Variants in ENTPD1 observed in about 807,000 individuals in gnomAD.
ENTPD1 encodes the protein ATP diphosphohydrolase.
ENTPD1 carries 33 observed loss-of-function variants against 57.0 expected under a neutral mutation model. The ratio of observed to expected loss-of-function variants is 0.58; its 90% CI spans 0.44 to 0.77. The LOEUF (loss-of-function observed/expected upper bound fraction) is 0.77, where lower values mean the gene tolerates loss of function less well. Ranked by LOEUF, ENTPD1 falls within the 30% of genes least tolerant of loss-of-function variation. The pLI is 0.00. For synonymous variants in ENTPD1, 202 were observed against 218.8 expected (o/e 0.92, Z 0.68); for missense variants, 501 against 603.4 (o/e 0.83, Z 1.78).
At chr10:95,732,433 A>G (rs1169316965) in intron 1 of ENTPD1, among the ~76,000 whole-genome samples, 1 of 152,172 alleles carries the variant, frequency 6.6e-6, no homozygotes, top group Admixed American at 6.5e-5. Context: ...CTCAGGCATT[A>G]CTGTGACAAT....
At chr10:95,801,538 A>C (rs1444786654) in intron 1 of ENTPD1, among the ~76,000 whole-genome samples, 2 of 151,644 alleles carry the variant, frequency 1.3e-5, no homozygotes, top group Non-Finnish European at 2.9e-5. Context: ...TGGGTCCTCT[A>C]TTCTTTTTAT....
chr10:95,776,384 T>C (rs2098134081), intron 1 of ENTPD1, among the ~76,000 whole-genome samples: 2 of 152,218 alleles, frequency 1.3e-5, no homozygotes, highest in Admixed American at 1.3e-4. Flanking sequence ...ATTTTATTTC[T>C]CCTTCACTTA....
Position 95,839,694 on chromosome 10 carries a change from G to A in ENTPD1, c.148G>A (p.Gly50Arg). 1 of 1,614,112 alleles carries A rather than the reference G, an allele frequency of 6.2e-7. No individual in the cohort carries two copies. The highest frequency in any genetic ancestry group is 8.5e-7 in the Non-Finnish European group (1 of 1,179,996). ...TTTTGGTCTGTGTTGCTTTCAGTAT[G>A]GGATTGTGCTGGATGCGGGTTCTTC... ...NKALPENVKY[G>R]IVLDAGSSHT... Residue 50 changes from glycine (G) to arginine (R), a missense_variant, in exon 3 of 10, where the codon GGG (glycine) becomes AGG (arginine). Gly to Arg is a moderately radical substitution (Grantham distance 125, BLOSUM62 -2). Coordinates refer to ENST00000371205, the MANE Select transcript of ENTPD1 (RefSeq NM_001776.6).
chr10:95,838,037 C>T (rs370172654), intron 2 of ENTPD1, among the ~76,000 whole-genome samples: 2 of 152,012 alleles, frequency 1.3e-5, no homozygotes, highest in African/African-American at 4.8e-5. Context: ...TTTAAAGTGG[C>T]AGACCATACT....
chr10:95,733,409 C>T (rs950999709), intron 1 of ENTPD1, among the ~76,000 whole-genome samples: 1 of 152,126 alleles, frequency 6.6e-6, no homozygotes, highest in Non-Finnish European at 1.5e-5. Flanking sequence ...GCAATCATGA[C>T]AGGATCCTGA....
rs747997479 is a variant in ENTPD1, at chr10:95,756,201, A to G, written c.-39A>G. 5.8e-5 allele frequency: 92 copies of G among 1,576,316 alleles called. No homozygotes were observed. The highest frequency in any genetic ancestry group is 3.4e-4 in the Middle Eastern group (2 of 5,874). On this transcript the variant is annotated 5_prime_UTR_variant, in exon 1 of 10. Coordinates refer to ENST00000371205, the MANE Select transcript of ENTPD1 (RefSeq NM_001776.6). ...ACAGCAAGCAGAGGCTGGGGGGGGG[A>G]AAGACGAGGAAAGAGGAGGAAAACA... is the stretch of plus-strand genomic sequence containing the variant.
intron 1 of ENTPD1, among the ~76,000 whole-genome samples, chr10:95,739,630 CTGAAGTCT>C (rs1447916508): frequency 6.6e-6 from 1 of 152,198 alleles, no homozygotes; most frequent in Non-Finnish European, 1.5e-5. Flanking sequence ...ACTTCCTTCA[CTGAAGTCT>C]TGAACCCCTC....
In ENTPD1 at chr10:95,871,963, A is replaced by G; in HGVS notation, c.*5580A>G. 1.0e-6 allele frequency: 1 copy of G among 985,418 alleles called. No individual in the cohort carries two copies. Among genetic ancestry groups the G allele is most frequent in the Non-Finnish European group, 1.2e-6 (1 of 829,932 alleles). 61.0% of individuals were successfully genotyped at this position (985,418 alleles called of 1,614,324 possible). A position where few individuals can be genotyped will look rare whatever the true frequency, so the allele number is the denominator to read the frequency against. On this transcript the variant is annotated 3_prime_UTR_variant, in exon 10 of 10. Coordinates refer to ENST00000371205, the MANE Select transcript of ENTPD1 (RefSeq NM_001776.6). ...TTTGCAATTACCTAAACTGAACTCT[A>G]CCATTACTCCTAACCCAGTTCCTCC...
Position 95,802,235 on chromosome 10 carries a change from A to G in ENTPD1, c.17-21002A>G, listed in dbSNP as rs183187996. ...AAATTTAAATGTTTTCTGTTTGACA[A>G]TTGCTTGAGTTTGTCAAAAGACCTG... is the stretch of plus-strand genomic sequence containing the variant. On this transcript the variant is annotated intron_variant, in intron 1 of 9. Transcript: ENST00000371205. Among the ~76,000 whole-genome samples, 98 of 152,314 alleles carry G rather than the reference A, an allele frequency of 6.4e-4. No individual in the cohort carries two copies. The Middle Eastern group carries it at 0.02, about 32-fold the overall frequency.
In ENTPD1 at chr10:95,847,513, G is replaced by A; in HGVS notation, c.881G>A (p.Ser294Asn). 1 of 1,614,160 alleles carries A rather than the reference G, an allele frequency of 6.2e-7. No individual in the cohort carries two copies. The highest frequency in any genetic ancestry group is 1.1e-5 in the South Asian group (1 of 91,084). The change falls in exon 7 of 10, where the codon AGT becomes AAT. Residue 294 changes from serine (S) to asparagine (N), a missense_variant. Physicochemically the swap from Ser to Asn is conservative, Grantham distance 46. Coordinates refer to ENST00000371205, the MANE Select transcript of ENTPD1 (RefSeq NM_001776.6). Reference sequence around the variant, plus strand: ...GGATATAAGAAGGTAGTGAACGTAAGTGACCTTTACAAGACCCCCTGCACC... The same window carrying A: ...GGATATAAGAAGGTAGTGAACGTAAATGACCTTTACAAGACCCCCTGCACC... ...HPGYKKVVNVSDLYKTPCTKR... is the reference protein window; with the variant it reads ...HPGYKKVVNVNDLYKTPCTKR...
chr10:95,856,131 C>T (rs928906068), intron 7 of ENTPD1, among the ~76,000 whole-genome samples: 7 of 152,226 alleles, frequency 4.6e-5, no homozygotes, highest in African/African-American at 1.2e-4. Flanking sequence ...AGGCTTTGTC[C>T]GTTTCTCTTT....
chr10:95,698,004 G>A, the ENTPD1 span, among the ~76,000 whole-genome samples: 12 of 152,260 alleles, frequency 7.9e-5, no homozygotes, highest in African/African-American at 1.2e-4. Flanking sequence ...TGATTCTGGC[G>A]AGACTCAGAA....
chr10:95,716,143 G>C (rs1222189232), intron 1 of ENTPD1, among the ~76,000 whole-genome samples: 1 of 152,184 alleles, frequency 6.6e-6, no homozygotes, highest in Non-Finnish European at 1.5e-5. Context: ...TGGTATTGCA[G>C]GTATGAACCG....
intron 1 of ENTPD1, among the ~76,000 whole-genome samples, chr10:95,767,302 G>A (rs1370689735): frequency 1.8e-4 from 23 of 129,756 alleles, no homozygotes; most frequent in African/African-American, 4.3e-4. Flanking sequence ...GAGACAGAGC[G>A]AGACTCCATC....
At chr10:95,805,848 G>A (rs981979965) in intron 1 of ENTPD1, among the ~76,000 whole-genome samples, 1 of 152,144 alleles carries the variant, frequency 6.6e-6, no homozygotes, top group Admixed American at 6.5e-5. Context: ...TAGAGTTTCT[G>A]CCCAGAGATC....
At chr10:95,836,066 A>G (rs145904445) in intron 2 of ENTPD1, among the ~76,000 whole-genome samples, 27 of 152,288 alleles carry the variant, frequency 1.8e-4, no homozygotes, top group African/African-American at 6.3e-4. Context: ...TCCAACCACC[A>G]TTTATTAAAT....
chr10:95,853,623 T>G (rs895142320), intron 7 of ENTPD1, among the ~76,000 whole-genome samples: 3 of 152,250 alleles, frequency 2.0e-5, no homozygotes, highest in African/African-American at 7.2e-5. Flanking sequence ...CCTAATTTAT[T>G]GAGAGTTTTT....
chr10:95,821,162 AG>A (rs1270691997), intron 1 of ENTPD1, among the ~76,000 whole-genome samples: 2 of 152,192 alleles, frequency 1.3e-5, no homozygotes, highest in African/African-American at 2.4e-5. Flanking sequence ...GTGCCCTTAG[AG>A]GGTTCTTTTC....
At chr10:95,827,218 C>A (rs1010535250) in intron 2 of ENTPD1, among the ~76,000 whole-genome samples, 3 of 152,040 alleles carry the variant, frequency 2.0e-5, no homozygotes, top group African/African-American at 7.2e-5. Flanking sequence ...CTTTGGGAGG[C>A]TGAGGTGGGT....
Sources: gnomAD v4.1 joint callset for allele counts (sites outside exome capture counted in the v4.1 genomes callset) on GRCh38, gnomAD v4.1.1 for gene constraint, MANE v1.5 for transcripts, NCBI Gene and HGNC (gene_info 2026-07-23, HGNC 2026-07-21) for gene names.